SLC6A6: variants seen among roughly 807,000 people sequenced by gnomAD.
SLC6A6 encodes the protein sodium- and chloride-dependent taurine transporter.
Under a neutral mutation model 68.8 loss-of-function variants are expected in SLC6A6, and 16 were observed. The observed-to-expected ratio is 0.23, with a 90% CI of 0.16 to 0.35. The LOEUF (loss-of-function observed/expected upper bound fraction) is 0.35, where lower values mean the gene tolerates loss of function less well. Among genes scored for constraint, SLC6A6 ranks in the 10% least tolerant of loss-of-function variants. SLC6A6 has a pLI of 1.00. For synonymous variants in SLC6A6, 312 were observed against 315.4 expected (o/e 0.99, Z 0.12); for missense variants, 474 against 802.8 (o/e 0.59, Z 4.95).
At chr3:14,421,238 C>T (rs1395356143) in intron 2 of SLC6A6, among the ~76,000 whole-genome samples, 3 of 152,094 alleles carry the variant, frequency 2.0e-5, no homozygotes, top group East Asian at 1.9e-4. Context: ...GAGAAAAAGC[C>T]GGTAAGCAAA....
intron 5 of SLC6A6, among the ~76,000 whole-genome samples, chr3:14,449,472 C>A (rs1700206231): frequency 6.6e-6 from 1 of 152,182 alleles, no homozygotes; most frequent in Non-Finnish European, 1.5e-5. Context: ...TTTGGAGTGG[C>A]CTGAAAACCG....
chr3:14,421,147 G>A (rs752066679), intron 2 of SLC6A6, among the ~76,000 whole-genome samples: 1 of 152,216 alleles, frequency 6.6e-6, no homozygotes. Context: ...CTGCCTTCGG[G>A]ACTTTAGGAA....
intron 5 of SLC6A6, among the ~76,000 whole-genome samples, chr3:14,453,874 G>T (rs1700307397): frequency 1.3e-5 from 2 of 152,296 alleles, no homozygotes; most frequent in South Asian, 4.1e-4. Context: ...TAGGTCCAAG[G>T]CCTTAAGGCA....
In SLC6A6 at chr3:14,402,716, G is replaced by C. The variant is rs1699011073; in HGVS notation, c.-185G>C. On this transcript the variant is annotated 5_prime_UTR_variant, in exon 1 of 15. Transcript: ENST00000622186. The surrounding 1 kb of genome is among the most constrained non-coding windows in gnomAD (Gnocchi z 4.8). ...CCGAGCCCCGAGGACCGCAAGCCCA[G>C]AGGACAAGCTGCGCCAAGAGGGAGT... The C allele has an allele frequency of 2.5e-6, 1 of 398,102 alleles. No homozygotes were observed. Among genetic ancestry groups the C allele is most frequent in the African/African-American group, 2.1e-5 (1 of 48,604 alleles). The allele number at this position is 398,102 out of a possible 1,614,324, so 24.7% of individuals were successfully genotyped here. A position where few individuals can be genotyped will look rare whatever the true frequency, so the allele number is the denominator to read the frequency against.
chr3:14,484,325 G>T (rs576732473), intron 14 of SLC6A6, among the ~76,000 whole-genome samples: 1 of 152,314 alleles, frequency 6.6e-6, no homozygotes, highest in Admixed American at 6.5e-5. Context: ...TGTAAACCCT[G>T]CTGGGAGGAC....
In SLC6A6 at chr3:14,481,568, G is replaced by A; in HGVS notation, c.1552-103G>A. 2.6e-6 allele frequency: 2 copies of A among 764,796 alleles called. No homozygotes were observed. The highest frequency in any genetic ancestry group is 4.4e-6 in the Non-Finnish European group (2 of 453,742). The allele number at this position is 764,796 out of a possible 1,614,324, so 47.4% of individuals were successfully genotyped here. ...GAGTTCTGAGCCAGTCCTTTCCCAA[G>A]GAGAGAGACCCTTCCCTCAGGTTGA... is the stretch of plus-strand genomic sequence containing the variant. On this transcript the variant is annotated intron_variant, in intron 13 of 14. Transcript: ENST00000622186. The surrounding 1 kb of genome is among the most constrained non-coding windows in gnomAD (Gnocchi z 4.7).
intron 2 of SLC6A6, among the ~76,000 whole-genome samples, chr3:14,424,200 T>G (rs1054104108): frequency 6.6e-6 from 1 of 152,086 alleles, no homozygotes; most frequent in East Asian, 1.9e-4. Context: ...CCAAAAGTTA[T>G]GGACTTTTGC....
At chr3:14,483,718 G>T (rs1220293151) in intron 14 of SLC6A6, among the ~76,000 whole-genome samples, 2 of 152,154 alleles carry the variant, frequency 1.3e-5, no homozygotes, top group Non-Finnish European at 2.9e-5. Flanking sequence ...TAGAGACAGG[G>T]TCTTGCTCCT....
At position 14,458,098 on chromosome 3, in the gene SLC6A6, G is replaced by T. The variant is rs765690879; in HGVS notation, c.732+16G>T. The T allele has an allele frequency of 1.9e-6, 3 of 1,612,504 alleles. No homozygotes were observed. Among genetic ancestry groups the T allele is most frequent in the Non-Finnish European group, 2.5e-6 (3 of 1,178,546 alleles). On this transcript the variant is annotated intron_variant, in intron 6 of 14. Coordinates refer to ENST00000622186, the MANE Select transcript of SLC6A6 (RefSeq NM_003043.6). ...CACTGGGAAGGTAAGTTGGACTTCT[G>T]TCCGTCCCCTGCCTCCTGGAGAGCT...
At chr3:14,423,903 G>T (rs1024886564) in intron 2 of SLC6A6, among the ~76,000 whole-genome samples, 3 of 152,192 alleles carry the variant, frequency 2.0e-5, no homozygotes, top group African/African-American at 7.2e-5. Flanking sequence ...GTGGCCTTCT[G>T]TGGGCCAAGC....
chr3:14,476,106 C>T (rs943938489), intron 10 of SLC6A6, among the ~76,000 whole-genome samples: 1 of 152,204 alleles, frequency 6.6e-6, no homozygotes, highest in Non-Finnish European at 1.5e-5. Flanking sequence ...TTGAAGGAAT[C>T]AGATAGGCCT....
intron 2 of SLC6A6, among the ~76,000 whole-genome samples, chr3:14,441,955 G>C (rs1053328651): frequency 2.6e-5 from 4 of 152,254 alleles, no homozygotes; most frequent in Non-Finnish European, 4.4e-5. Flanking sequence ...CTCTATTCTA[G>C]TTGAGGAGAT....
intron 2 of SLC6A6, among the ~76,000 whole-genome samples, chr3:14,418,682 G>C (rs1472234225): frequency 6.6e-6 from 1 of 152,080 alleles, no homozygotes; most frequent in East Asian, 1.9e-4. Flanking sequence ...TACTCTTTTT[G>C]AAAAAATATG....
chr3:14,471,179 G>A (rs572446154), intron 9 of SLC6A6, among the ~76,000 whole-genome samples: 6 of 110,182 alleles, frequency 5.4e-5, no homozygotes, highest in African/African-American at 1.8e-4. Context: ...TTCTTTTGCT[G>A]CCCTCGCTTC....
intron 2 of SLC6A6, among the ~76,000 whole-genome samples, chr3:14,419,237 GA>G (rs1481021304): frequency 1.3e-5 from 2 of 152,206 alleles, no homozygotes; most frequent in African/African-American, 4.8e-5. Flanking sequence ...AACACTTTCT[GA>G]AAGGGCTCCT....
intron 2 of SLC6A6, among the ~76,000 whole-genome samples, chr3:14,432,096 C>T (rs1184629249): frequency 6.6e-6 from 1 of 152,200 alleles, no homozygotes; most frequent in Non-Finnish European, 1.5e-5. Flanking sequence ...GCACCCTTAG[C>T]TGACTCTGTC....
chr3:14,455,981 T>A (rs1388434150), intron 5 of SLC6A6, among the ~76,000 whole-genome samples: 1 of 152,270 alleles, frequency 6.6e-6, no homozygotes, highest in East Asian at 1.9e-4. Context: ...CTGTTTTCTC[T>A]TAAAACCAGA....
At position 14,444,690 on chromosome 3, in the gene SLC6A6, C is replaced by A. The variant is rs150854440; in HGVS notation, c.229+827C>A. ...TGTGCTGCCCACATTAGTAGAACCA[C>A]CTTTTGGGGAATTTTCCCTTAGAGC... On this transcript the variant is annotated intron_variant, in intron 3 of 14. Transcript: ENST00000622186. 347 of 456,148 alleles carry A rather than the reference C, an allele frequency of 7.6e-4. 6 individuals carry two copies. The highest frequency in any genetic ancestry group is 4.4e-3 in the South Asian group (287 of 64,546). 28.3% of individuals were successfully genotyped at this position (456,148 alleles called of 1,614,324 possible).
chr3:14,403,932 A>G (rs1313936879), intron 1 of SLC6A6, among the ~76,000 whole-genome samples: 1 of 152,198 alleles, frequency 6.6e-6, no homozygotes, highest in Non-Finnish European at 1.5e-5. Context: ...TATTTTGGTC[A>G]CTGTTGGGCC....
Sources: gnomAD v4.1 joint callset for allele counts (sites outside exome capture counted in the v4.1 genomes callset) on GRCh38, gnomAD v4.1.1 for gene constraint, Gnocchi (gnomAD v3.1) non-coding constraint, MANE v1.5 for transcripts, NCBI Gene and HGNC (gene_info 2026-07-23, HGNC 2026-07-21) for gene names.